Variants in PLCB1 observed in about 807,000 individuals in gnomAD.
PLCB1 encodes the protein phospholipase C beta 1.
Under a neutral mutation model 161.8 loss-of-function variants are expected in PLCB1, and 46 were observed. That is an observed-to-expected ratio of 0.28 (90% CI 0.22 to 0.36). PLCB1 has a LOEUF of 0.36. Ranked by LOEUF, PLCB1 falls within the 10% of genes least tolerant of loss-of-function variation. The pLI is 1.00. For missense variants in PLCB1, 1,016 were observed against 1,472.5 expected, an observed-to-expected ratio of 0.69 and a Z score of 5.07; for synonymous variants, 517 against 503.7, an observed-to-expected ratio of 1.03 and a Z score of -0.35.
chr20:8,417,436 C>T (rs1372040001), intron 3 of PLCB1, among the ~76,000 whole-genome samples: 2 of 143,908 alleles, frequency 1.4e-5, no homozygotes, highest in African/African-American at 2.8e-5. Context: ...CTCTGTTGTA[C>T]CAATAATTCA....
intron 31 of PLCB1, among the ~76,000 whole-genome samples, chr20:8,803,448 T>TTC (rs397699704): frequency 2.0e-5 from 3 of 150,812 alleles, no homozygotes; most frequent in Admixed American, 6.6e-5. Context: ...TTTTTTTTTT[T>TTC]CTACTGCCTG....
At chr20:8,169,695 A>C (rs2051713937) in intron 2 of PLCB1, among the ~76,000 whole-genome samples, 1 of 152,182 alleles carries the variant, frequency 6.6e-6, no homozygotes, top group Non-Finnish European at 1.5e-5. Flanking sequence ...TCTAAGAGTT[A>C]GTAGATCCAC....
intron 2 of PLCB1, among the ~76,000 whole-genome samples, chr20:8,183,160 T>G (rs2051865114): frequency 6.6e-6 from 1 of 152,172 alleles, no homozygotes; most frequent in African/African-American, 2.4e-5. Flanking sequence ...AGATACATGA[T>G]CCATCTGGCT....
intron 31 of PLCB1, among the ~76,000 whole-genome samples, chr20:8,878,395 C>T (rs760816934): frequency 6.6e-6 from 1 of 152,138 alleles, no homozygotes; most frequent in East Asian, 1.9e-4. Flanking sequence ...CAAAAGAGTA[C>T]GACATTGTAA....
At chr20:8,481,318 G>T (rs1277549457) in intron 3 of PLCB1, among the ~76,000 whole-genome samples, 1 of 152,076 alleles carries the variant, frequency 6.6e-6, no homozygotes, top group African/African-American at 2.4e-5. Context: ...TAGTTAAATA[G>T]CACTAATTTG....
At chr20:8,260,946 C>T (rs905606450) in intron 2 of PLCB1, among the ~76,000 whole-genome samples, 1 of 152,118 alleles carries the variant, frequency 6.6e-6, no homozygotes, top group African/African-American at 2.4e-5. Context: ...GGAGACTGCC[C>T]ATGGTCAGCG....
intron 9 of PLCB1, among the ~76,000 whole-genome samples, chr20:8,661,968 T>A (rs1312799995): frequency 7.9e-6 from 1 of 126,174 alleles, no homozygotes; most frequent in Non-Finnish European, 1.6e-5. Context: ...TATAATTATT[T>A]ATTATATAAT....
At chr20:8,838,953 T>C (rs1008325345) in intron 31 of PLCB1, among the ~76,000 whole-genome samples, 2 of 152,180 alleles carry the variant, frequency 1.3e-5, no homozygotes, top group Admixed American at 6.5e-5. Flanking sequence ...CTTTCAGCTG[T>C]CAAGGCCAGC....
chr20:8,686,979 C>T (rs553676143), intron 10 of PLCB1, among the ~76,000 whole-genome samples: 1 of 151,464 alleles, frequency 6.6e-6, no homozygotes, highest in Non-Finnish European at 1.5e-5. Context: ...TTTTAAGGCA[C>T]GAGTTCACAT....
chr20:8,230,715 C>T (rs1289970747), intron 2 of PLCB1, among the ~76,000 whole-genome samples: 1 of 152,066 alleles, frequency 6.6e-6, no homozygotes, highest in Non-Finnish European at 1.5e-5. Context: ...TCCCAGCCCG[C>T]CAGTCACATT....
chr20:8,679,525 G>A (rs943304804), intron 9 of PLCB1, among the ~76,000 whole-genome samples: 2 of 152,108 alleles, frequency 1.3e-5, no homozygotes, highest in African/African-American at 4.8e-5. Context: ...GAGTGTCACT[G>A]GATACACTTC....
At chr20:8,607,650 C>T (rs1345101782) in intron 3 of PLCB1, among the ~76,000 whole-genome samples, 1 of 152,076 alleles carries the variant, frequency 6.6e-6, no homozygotes, top group Non-Finnish European at 1.5e-5. Context: ...TTTTACCTTA[C>T]CCCATTTTAT....
intron 31 of PLCB1, among the ~76,000 whole-genome samples, chr20:8,800,899 C>G (rs945662180): frequency 1.3e-5 from 2 of 152,134 alleles, no homozygotes; most frequent in Admixed American, 6.5e-5. Flanking sequence ...TCACTTTAGT[C>G]AAAGCCTCCA....
chr20:8,207,743 A>C (rs1020831290), intron 2 of PLCB1, among the ~76,000 whole-genome samples: 14 of 151,940 alleles, frequency 9.2e-5, no homozygotes, highest in African/African-American at 3.4e-4. Context: ...ACAACGCCCA[A>C]CTAATTTTTT....
chr20:8,487,939 T>A lies in PLCB1; in HGVS notation c.246+116489T>A, dbSNP rs141097243. ...AGGCAATGACTGACTCGTATGAGGG[T>A]GTAAACGTGCAGCTCCCTTGCCTCT... On this transcript the variant is annotated intron_variant, in intron 3 of 31. Transcript: ENST00000338037. 1.6e-3 allele frequency among the ~76,000 whole-genome samples: 240 copies of A among 152,224 alleles called. 5 individuals are homozygous for A. The East Asian group carries it at 0.033, about 21-fold the overall frequency.
chr20:8,498,247 G>C (rs1056396537), intron 3 of PLCB1, among the ~76,000 whole-genome samples: 13 of 152,136 alleles, frequency 8.5e-5, no homozygotes, highest in Non-Finnish European at 1.8e-4. Flanking sequence ...ACAGGCACGT[G>C]CCACCACGCC....
At chr20:8,140,179 A>G (rs756767184) in intron 1 of PLCB1, among the ~76,000 whole-genome samples, 2 of 152,196 alleles carry the variant, frequency 1.3e-5, no homozygotes, top group East Asian at 1.9e-4. Flanking sequence ...TGTGGTAGAT[A>G]CAATAGCTCT....
At chr20:8,682,109 T>C (rs1990236732) in intron 9 of PLCB1, among the ~76,000 whole-genome samples, 2 of 152,160 alleles carry the variant, frequency 1.3e-5, no homozygotes, top group African/African-American at 4.8e-5. Context: ...GTATGGTAGA[T>C]GTTCAATAAA....
At chr20:8,868,040 CAA>C (rs573183904) in intron 31 of PLCB1, among the ~76,000 whole-genome samples, 166 of 151,984 alleles carry the variant, frequency 1.1e-3, no homozygotes, top group Admixed American at 2.8e-3. Context: ...GGTTATAACC[CAA>C]GAGATTTTTT....
Sources: allele counts gnomAD v4.1 joint callset (sites outside exome capture counted in the v4.1 genomes callset), GRCh38; gene constraint gnomAD v4.1.1; transcripts MANE v1.5; gene names NCBI Gene and HGNC (gene_info 2026-07-23, HGNC 2026-07-21).